Variants in PCDH18 observed in about 807,000 individuals in gnomAD.
The protein encoded by PCDH18 is protocadherin 18.
A neutral mutation model predicts 71.5 loss-of-function variants in PCDH18; 38 were observed. The observed-to-expected ratio is 0.53, with a 90% CI of 0.41 to 0.70. The LOEUF is 0.70. Among genes scored for constraint, PCDH18 ranks in the 30% least tolerant of loss-of-function variants. The probability of loss-of-function intolerance (pLI) is 0.00; values close to 1 mark genes in which losing one functional copy is unlikely to be tolerated. For synonymous variants in PCDH18, 565 were observed against 505.4 expected (o/e 1.12, Z -1.58); for missense variants, 1,334 against 1,384.6 (o/e 0.96, Z 0.58).
intron 3 of PCDH18, among the ~76,000 whole-genome samples, chr4:137,527,540 A>G (rs1578744825): frequency 6.6e-6 from 1 of 152,136 alleles, no homozygotes; most frequent in Non-Finnish European, 1.5e-5. Flanking sequence ...AGGCTCCCTC[A>G]TGTTTATTTC....
Position 137,530,269 on chromosome 4 carries a change from T to A in PCDH18, c.1820A>T (p.Asp607Val). 6.2e-7 allele frequency: 1 copy of A among 1,614,046 alleles called. No individual in the cohort carries two copies. The highest frequency in any genetic ancestry group is 8.5e-7 in the Non-Finnish European group (1 of 1,179,974). The change falls in exon 1 of 4, where the codon GAC becomes GTC. Residue 607 changes from aspartate to valine, a missense_variant. Transcript: ENST00000344876. Reference protein sequence around the residue: ...GFHVTRIRAIDRDSGVNAELS... With the variant: ...GFHVTRIRAIVRDSGVNAELS... ...TTCAGCATTCACACCAGAGTCTCTG[T>A]CAATTGCCCTTATTCTTGTGACATG... is the stretch of plus-strand genomic sequence containing the variant.
In PCDH18 at chr4:137,530,064, C is replaced by G. The variant is rs61734717; in HGVS notation, c.2025G>C (p.Met675Ile). The G allele has an allele frequency of 1.6e-3, 2,548 of 1,613,860 alleles. 27 individuals carry two copies. The African/African-American group carries it at 0.03, about 19-fold the overall frequency. Residue 675 changes from methionine to isoleucine, a missense_variant, in exon 1 of 4, where the codon ATG (methionine) becomes ATC (isoleucine). By Grantham distance (10) the Met-to-Ile change is conservative. Transcript: ENST00000344876. ...QLHTKVLLKC[M>I]IFEYAESVTS... ...TCACCGACTCTGCATATTCAAAGAT[C>G]ATGCACTTCAGAAGGACTTTGGTAT...
chr4:137,530,774 C>T lies in PCDH18; in HGVS notation c.1315G>A (p.Asp439Asn), dbSNP rs757154074. The T allele has an allele frequency of 1.2e-6, 2 of 1,612,402 alleles. No homozygotes were observed. Among genetic ancestry groups the T allele is most frequent in the Admixed American group, 1.7e-5 (1 of 59,974 alleles). Residue 439 changes from aspartate to asparagine, a missense_variant, in exon 1 of 4, where the codon GAC (aspartate) becomes AAC (asparagine). Coordinates refer to ENST00000344876, the MANE Select transcript of PCDH18 (RefSeq NM_019035.5). The part of the protein sequence containing the change: ...SEYSLTVIAE[D>N]RGTPSLSTVK... ...GTAGAGAGACTGGGTGTCCCCCTGT[C>T]CTCAGCGATTACAGTCAAACTATAC...
In PCDH18 at chr4:137,530,131, T is replaced by G; in HGVS notation, c.1958A>C (p.Glu653Ala). ...TTTGTCCTGAATGATAACTGACAGC[T>G]CCCATTCTGTGTAGGGAACAGAATC... ...SMDSVPYTEW[E>A]LSVIIQDKGN... Residue 653 changes from glutamate to alanine, a missense_variant, in exon 1 of 4, where the codon GAG (glutamate) becomes GCG (alanine). By Grantham distance (107) the Glu-to-Ala change is moderately radical. This residue lies in a region of PCDH18 where 1,011 missense variants were observed against 1,048.0 expected (regional missense o/e 0.96). Coordinates refer to ENST00000344876, the MANE Select transcript of PCDH18 (RefSeq NM_019035.5). The G allele has an allele frequency of 6.2e-7, 1 of 1,612,902 alleles. No homozygotes were observed. Among genetic ancestry groups the G allele is most frequent in the Non-Finnish European group, 8.5e-7 (1 of 1,179,010 alleles).
At chr4:137,525,523 G>C (rs1411765203) in intron 3 of PCDH18, among the ~76,000 whole-genome samples, 3 of 152,100 alleles carry the variant, frequency 2.0e-5, no homozygotes, top group African/African-American at 7.2e-5. Flanking sequence ...TATGCCTCCA[G>C]AAGTTGCTGG....
In PCDH18 at chr4:137,518,980, G is replaced by C. The variant is rs921824936; in HGVS notation, c.*2049C>G. On this transcript the variant is annotated 3_prime_UTR_variant, in exon 4 of 4. Coordinates refer to ENST00000344876, the MANE Select transcript of PCDH18 (RefSeq NM_019035.5). ...ACATTATTCAAAATAGCGGTTTTCA[G>C]CATAGCTTCCCATATTACTGCTGGT... is the stretch of plus-strand genomic sequence containing the variant. 1.3e-4 allele frequency: 20 copies of C among 152,174 alleles called. No individual in the cohort carries two copies. The highest frequency in any genetic ancestry group is 4.8e-4 in the African/African-American group (20 of 41,454). 9.4% of individuals were successfully genotyped at this position (152,174 alleles called of 1,614,324 possible).
At chr4:137,529,090 C>A (rs1731567245) in intron 1 of PCDH18, 2 of 422,936 alleles carry the variant, frequency 4.7e-6, no homozygotes, top group Non-Finnish European at 8.4e-6. Context: ...GATTTATTTT[C>A]TTTATAATTC....
In PCDH18 at chr4:137,521,286, G is replaced by A; in HGVS notation, c.3151C>T (p.Gln1051Ter). The change falls in exon 4 of 4, where the codon CAG becomes TAG. Residue 1051 changes from glutamine to a stop codon, truncating the protein, a stop_gained. Transcript: ENST00000344876. LOFTEE classifies it high-confidence loss of function. ...CTGGCTGCCCATGCCGCTACCCCCTGTGGGTAACCCACAGTTTTGGCTGGC... is the reference window on the plus strand; with the variant it reads ...CTGGCTGCCCATGCCGCTACCCCCTATGGGTAACCCACAGTTTTGGCTGGC... ...PLPAKTVGYPQGVAAWAASTH... is the reference protein window; with the variant it reads ...PLPAKTVGYP The A allele has an allele frequency of 6.2e-7, 1 of 1,614,208 alleles. No homozygotes were observed. The highest frequency in any genetic ancestry group is 1.1e-5 in the South Asian group (1 of 91,088).
In PCDH18 at chr4:137,530,746, A is replaced by T; in HGVS notation, c.1343T>A (p.Val448Glu). 1 of 1,613,060 alleles carries T rather than the reference A, an allele frequency of 6.2e-7. No individual in the cohort carries two copies. Among genetic ancestry groups the T allele is most frequent in the Non-Finnish European group, 8.5e-7 (1 of 1,179,178 alleles). The change falls in exon 1 of 4, where the codon GTG (valine) becomes GAG (glutamate). Residue 448 changes from valine (V) to glutamate (E), a missense_variant. This residue lies in a region of PCDH18 where 1,011 missense variants were observed against 1,048.0 expected (regional missense o/e 0.96). Transcript: ENST00000344876. ...EDRGTPSLST[V>E]KHFTVQINDI... ...ATTGATTTGAACTGTAAAATGTTTC[A>T]CTGTAGAGAGACTGGGTGTCCCCCT...
chr4:137,527,632 A>G (rs1015136339), intron 3 of PCDH18, among the ~76,000 whole-genome samples: 1 of 146,164 alleles, frequency 6.8e-6, no homozygotes, highest in Non-Finnish European at 1.5e-5. Flanking sequence ...TCTATCTTTC[A>G]TATATCAAAT....
Position 137,531,430 on chromosome 4 carries a change from T to C in PCDH18, c.659A>G (p.Asp220Gly). The C allele has an allele frequency of 6.2e-7, 1 of 1,613,442 alleles. No homozygotes were observed. The highest frequency in any genetic ancestry group is 2.2e-5 in the East Asian group (1 of 44,852). ...GCCAGACCTCTGAGGTACTCCCATG[T>C]CTGAGGCAGTGAGCTGAAGCTCGTA... Reference protein sequence around the residue: ...SSYELQLTASDMGVPQRSGSS... With the variant: ...SSYELQLTASGMGVPQRSGSS... The change falls in exon 1 of 4, where the codon GAC becomes GGC. Residue 220 changes from aspartate (D) to glycine (G), a missense_variant. By Grantham distance (94) the Asp-to-Gly change is moderately conservative. Transcript: ENST00000344876.
rs2149214816 is a variant in PCDH18 at position 137,528,515 on chromosome 4, G to C, written c.2703C>G (p.Phe901Leu). The change falls in exon 3 of 4, where the codon TTC (phenylalanine) becomes TTG (leucine). Residue 901 changes from phenylalanine (F) to leucine (L), a missense_variant. Coordinates refer to ENST00000344876, the MANE Select transcript of PCDH18 (RefSeq NM_019035.5). ...SPIDRLLGEG[F>L]SDLFLTDGRI... ...TTCCATCTGTGAGAAACAGGTCGCT[G>C]AATCCTTCACCCAACAGCCTATCTA... The C allele has an allele frequency of 6.2e-7, 1 of 1,613,884 alleles. No homozygotes were observed. Among genetic ancestry groups the C allele is most frequent in the Non-Finnish European group, 8.5e-7 (1 of 1,179,882 alleles).
rs775797273 is a variant in PCDH18, at chr4:137,530,032, G to A, written c.2057C>T (p.Thr686Ile). Residue 686 changes from threonine (T) to isoleucine (I), a missense_variant, in exon 1 of 4, where the codon ACA becomes ATA. By Grantham distance (89) the Thr-to-Ile change is moderately conservative. Around this residue, in one of 3 missense-constraint regions of PCDH18, gnomAD observed 1,011 missense variants for 1,048.0 expected, o/e 0.96. Coordinates refer to ENST00000344876, the MANE Select transcript of PCDH18 (RefSeq NM_019035.5). ...IFEYAESVTSTAMTSVSQASL... is the reference protein window; with the variant it reads ...IFEYAESVTSIAMTSVSQASL... The stretch of plus-strand genomic sequence containing the variant: ...TGCCTGGCTTACTGAAGTCATTGCT[G>A]TACTTGTCACCGACTCTGCATATTC... The A allele has an allele frequency of 1.9e-6, 3 of 1,614,112 alleles. No homozygotes were observed. Among genetic ancestry groups the A allele is most frequent in the Non-Finnish European group, 2.5e-6 (3 of 1,179,986 alleles).
intron 1 of PCDH18, chr4:137,529,303 G>C (rs1395620336): frequency 1.4e-5 from 4 of 294,240 alleles, no homozygotes; most frequent in Non-Finnish European, 2.5e-5. Flanking sequence ...CTACTTTTTG[G>C]CTTCCCATTA....
At position 137,531,890 on chromosome 4, in the gene PCDH18, G is replaced by A. The variant is rs766574471; in HGVS notation, c.199C>T (p.Arg67Ter). 6.2e-7 allele frequency: 1 copy of A among 1,613,926 alleles called. No homozygotes were observed. Among genetic ancestry groups the A allele is most frequent in the South Asian group, 1.1e-5 (1 of 91,050 alleles). ...KLPNPSTVRFRAMQRGNSPLL... is the reference protein window; with the variant it reads ...KLPNPSTVRF ...GGAGAATTTCCCCTCTGCATGGCTC[G>A]AAATCGAACAGTAGAAGGATTAGGA... is the stretch of plus-strand genomic sequence containing the variant. The change falls in exon 1 of 4, where the codon CGA (arginine) becomes TGA (stop). Residue 67 changes from arginine (R) to a stop codon, truncating the protein, a stop_gained. Transcript: ENST00000344876. LOFTEE classifies it high-confidence loss of function.
rs1731594439 is a variant in PCDH18, at chr4:137,529,699, T to C, written c.2390A>G (p.Asn797Ser). 6.2e-7 allele frequency: 1 copy of C among 1,613,998 alleles called. No homozygotes were observed. Residue 797 changes from asparagine to serine, a missense_variant, in exon 1 of 4, where the codon AAC (asparagine) becomes AGC (serine). Transcript: ENST00000344876. ...CAAACTGTTGAGTGACTGGTGACTG[T>C]TGTGACTCTGCCGGCTGCCCATCTG... is the stretch of plus-strand genomic sequence containing the variant. Reference protein sequence around the residue: ...RGQMGSRQSHNSHQSLNSLVT... With the variant: ...RGQMGSRQSHSSHQSLNSLVT...
intron 3 of PCDH18, among the ~76,000 whole-genome samples, chr4:137,522,077 A>G (rs1731317983): frequency 6.6e-6 from 1 of 152,158 alleles, no homozygotes; most frequent in African/African-American, 2.4e-5. Context: ...TTAGAATGCC[A>G]CCCATTAATT....
rs375462103 is a variant in PCDH18, at chr4:137,529,757, A to T, written c.2332T>A (p.Ser778Thr). 1 of 1,613,992 alleles carries T rather than the reference A, an allele frequency of 6.2e-7. No individual in the cohort carries two copies. Among genetic ancestry groups the T allele is most frequent in the Non-Finnish European group, 8.5e-7 (1 of 1,179,948 alleles). Residue 778 changes from serine (S) to threonine (T), a missense_variant, in exon 1 of 4, where the codon TCT becomes ACT. Transcript: ENST00000344876. Reference protein sequence around the residue: ...TLPIRSHHRSSPSSSPTLERG... With the variant: ...TLPIRSHHRSTPSSSPTLERG... ...TCTAAGGTAGGAGATGAAGATGGAGACGATCTGTGATGAGATCTGATGGGC... is the reference window on the plus strand; with the variant it reads ...TCTAAGGTAGGAGATGAAGATGGAGTCGATCTGTGATGAGATCTGATGGGC...
At chr4:137,522,425 C>T (rs1254665103) in intron 3 of PCDH18, among the ~76,000 whole-genome samples, 1 of 151,426 alleles carries the variant, frequency 6.6e-6, no homozygotes, top group Non-Finnish European at 1.5e-5. Context: ...TATGAGTGGC[C>T]ACAGTCATAG....
Sources: allele counts gnomAD v4.1 joint callset (sites outside exome capture counted in the v4.1 genomes callset), GRCh38; gene constraint gnomAD v4.1.1; regional missense constraint gnomAD v4.1.1; transcripts MANE v1.5; gene names NCBI Gene and HGNC (gene_info 2026-07-23, HGNC 2026-07-21).